The following ASB18 variants were observed in gnomAD, a reference collection of about 807,000 sequenced individuals.
ASB18 encodes ankyrin repeat and SOCS box containing 18, also known as ankyrin repeat and SOCS box protein 18.
ASB18 carries 33 observed loss-of-function variants against 33.4 expected under a neutral mutation model. The observed-to-expected ratio is 0.99, with a 90% CI of 0.75 to 1.32. The LOEUF (loss-of-function observed/expected upper bound fraction) is 1.32. Ranked by LOEUF, ASB18 falls within the 40% of genes most tolerant of loss-of-function variation. The pLI is 0.00. For synonymous variants in ASB18, 295 were observed against 307.6 expected (o/e 0.96, Z 0.43); for missense variants, 694 against 655.5 (o/e 1.06, Z -0.64).
In ASB18 at chr2:236,195,736, G is replaced by C. The variant is rs191242200; in HGVS notation, c.1215+536C>G. Among the ~76,000 whole-genome samples the C allele has an allele frequency of 1.3e-5, 2 of 152,200 alleles. No homozygotes were observed. Among genetic ancestry groups the C allele is most frequent in the Non-Finnish European group, 2.9e-5 (2 of 67,990 alleles). On this transcript the variant is annotated intron_variant, in intron 5 of 5. Transcript: ENST00000409749. This position sits in a 1 kb window ranked among gnomAD's most constrained non-coding sequence, Gnocchi z 5.5. ...TCACCATGTTGGCCAGTCTGGTCTT[G>C]AACTCCTGACCTCAAGCGATCTGCC...
intron 1 of ASB18, among the ~76,000 whole-genome samples, chr2:236,243,322 T>G (rs1230776880): frequency 3.5e-5 from 4 of 112,792 alleles, no homozygotes; most frequent in Admixed American, 9.7e-5. Flanking sequence ...AGAGCGAGAC[T>G]CCATCTCAAA....
At chr2:236,261,561 C>A (rs906541281) in intron 1 of ASB18, among the ~76,000 whole-genome samples, 3 of 152,180 alleles carry the variant, frequency 2.0e-5, no homozygotes, top group African/African-American at 7.2e-5. Flanking sequence ...ATTTAGCATA[C>A]CATCGTCCTG....
Position 236,245,830 on chromosome 2 carries a change from G to A in ASB18, c.206-4428C>T, listed in dbSNP as rs112659285. 6.6e-6 allele frequency among the ~76,000 whole-genome samples: 1 copy of A among 152,204 alleles called. No individual in the cohort carries two copies. The highest frequency in any genetic ancestry group is 6.5e-5 in the Admixed American group (1 of 15,280). ...CTTCAATGCCAACAGTGAAGAGAACGAATGGACTGGACTCTTTGAAACTTG... is the reference window on the plus strand; with the variant it reads ...CTTCAATGCCAACAGTGAAGAGAACAAATGGACTGGACTCTTTGAAACTTG... On this transcript the variant is annotated intron_variant, in intron 1 of 5. Transcript: ENST00000409749. This position sits in a 1 kb window ranked among gnomAD's most constrained non-coding sequence, Gnocchi z 4.7.
In ASB18 at chr2:236,194,231, G is replaced by A. The variant is rs1389483811; in HGVS notation, c.*641C>T. ...TCTGAACTTCGTGGTGGTAGGAGGT[G>A]CTCCTGACAAGGTTCGTTTTGCAAA... On this transcript the variant is annotated 3_prime_UTR_variant, in exon 6 of 6. Coordinates refer to ENST00000409749, the MANE Select transcript of ASB18 (RefSeq NM_212556.4). This position sits in a 1 kb window ranked among gnomAD's most constrained non-coding sequence, Gnocchi z 4.5. Among the ~76,000 whole-genome samples the A allele has an allele frequency of 6.6e-6, 1 of 152,196 alleles. No homozygotes were observed. Among genetic ancestry groups the A allele is most frequent in the Non-Finnish European group, 1.5e-5 (1 of 68,038 alleles).
At position 236,229,978 on chromosome 2, in the gene ASB18, G is replaced by A. The variant is rs576581987; in HGVS notation, c.596+7711C>T. On this transcript the variant is annotated intron_variant, in intron 3 of 5. Transcript: ENST00000409749. The surrounding 1 kb of genome is among the most constrained non-coding windows in gnomAD (Gnocchi z 5.2). ...TATAAAAGAACAAAGATAAAACTAG[G>A]AGTTTGAGACCACCCTGGGCAGCAA... Among the ~76,000 whole-genome samples the A allele has an allele frequency of 8.5e-4, 129 of 151,970 alleles. No individual in the cohort carries two copies. The highest frequency in any genetic ancestry group is 3.0e-3 in the African/African-American group (126 of 41,452).
rs1269250805 is a variant in ASB18, at chr2:236,195,759, G to A, written c.1215+513C>T. ...TTGAACTCCTGACCTCAAGCGATCT[G>A]CCTGCCTTGGCCTCTCAAAGTGCTA... is the stretch of plus-strand genomic sequence containing the variant. On this transcript the variant is annotated intron_variant, in intron 5 of 5. Coordinates refer to ENST00000409749, the MANE Select transcript of ASB18 (RefSeq NM_212556.4). This position sits in a 1 kb window ranked among gnomAD's most constrained non-coding sequence, Gnocchi z 5.5. 6.6e-6 allele frequency among the ~76,000 whole-genome samples: 1 copy of A among 152,100 alleles called. No homozygotes were observed. Among genetic ancestry groups the A allele is most frequent in the Non-Finnish European group, 1.5e-5 (1 of 68,030 alleles).
intron 4 of ASB18, among the ~76,000 whole-genome samples, chr2:236,198,175 T>C (rs922769425): frequency 5.3e-5 from 8 of 152,040 alleles, no homozygotes; most frequent in African/African-American, 1.4e-4. Context: ...AATACAAATA[T>C]GACAAACTAA....
Position 236,194,994 on chromosome 2 carries a change from G to A in ASB18, c.1279C>T (p.Leu427Phe). The A allele has an allele frequency of 3.7e-6, 6 of 1,613,942 alleles. No individual in the cohort carries two copies. The highest frequency in any genetic ancestry group is 4.2e-6 in the Non-Finnish European group (5 of 1,179,882). The change falls in exon 6 of 6, where the codon CTT becomes TTT. Residue 427 changes from leucine to phenylalanine, a missense_variant. Leu to Phe is a conservative substitution (Grantham distance 22). Transcript: ENST00000409749. This position sits in a 1 kb window ranked among gnomAD's most constrained non-coding sequence, Gnocchi z 4.5. ...AGTCTGCGAAGAGCACAGCGGCAAA[G>A]ATGCTGCAGGCAGCGTGGGGTGAGG... ...LALTPRCLQH[L>F]CRCALRRLFG...
chr2:236,232,759 G>A (rs2060572170), intron 3 of ASB18, among the ~76,000 whole-genome samples: 1 of 151,944 alleles, frequency 6.6e-6, no homozygotes, highest in Non-Finnish European at 1.5e-5. Flanking sequence ...AATCTGAGTA[G>A]CCCTATAGCT....
intron 1 of ASB18, among the ~76,000 whole-genome samples, chr2:236,243,952 G>A (rs1487214345): frequency 6.6e-6 from 1 of 152,072 alleles, no homozygotes; most frequent in Non-Finnish European, 1.5e-5. Flanking sequence ...TCAGCCTCCT[G>A]AGTAGCTAGG....
At position 236,237,053 on chromosome 2, in the gene ASB18, C is replaced by T. The variant is rs548556136; in HGVS notation, c.596+636G>A. ...CTGCGGGACCCCCAGACCCCGCGCC[C>T]GGGCGCGAACTAGCTGAGCGGCCGC... On this transcript the variant is annotated intron_variant, in intron 3 of 5. Coordinates refer to ENST00000409749, the MANE Select transcript of ASB18 (RefSeq NM_212556.4). This position sits in a 1 kb window ranked among gnomAD's most constrained non-coding sequence, Gnocchi z 6.2. Among the ~76,000 whole-genome samples the T allele has an allele frequency of 2.0e-5, 3 of 152,098 alleles. No individual in the cohort carries two copies. The East Asian group carries it at 5.9e-4, about 30-fold the overall frequency.
rs149965726 is a variant in ASB18, at chr2:236,237,766, C to T, written c.519G>A (p.Gln173=). 37,034 of 1,448,472 alleles carry T rather than the reference C, an allele frequency of 0.026. 595 individuals carry two copies. The highest frequency in any genetic ancestry group is 0.03 in the Non-Finnish European group (33,615 of 1,105,350). 89.7% of individuals were successfully genotyped at this position (1,448,472 alleles called of 1,614,324 possible). ...GHTACVRLLL[Q]HRADPDLLSA... ...TGAGCAGGTCGGGGTCGGCGCGGTG[C>T]TGCAGCAGCAGGCGGACGCAGGCGG... The change falls in exon 3 of 6, where the codon CAG becomes CAA. Residue 173 remains glutamine (Q), a synonymous_variant. Coordinates refer to ENST00000409749, the MANE Select transcript of ASB18 (RefSeq NM_212556.4). This position sits in a 1 kb window ranked among gnomAD's most constrained non-coding sequence, Gnocchi z 6.2.
Position 236,252,774 on chromosome 2 carries a change from G to C in ASB18, c.205+11367C>G, listed in dbSNP as rs1225711120. Among the ~76,000 whole-genome samples the C allele has an allele frequency of 1.3e-5, 2 of 152,124 alleles. No individual in the cohort carries two copies. Among genetic ancestry groups the C allele is most frequent in the African/African-American group, 4.8e-5 (2 of 41,426 alleles). On this transcript the variant is annotated intron_variant, in intron 1 of 5. Coordinates refer to ENST00000409749, the MANE Select transcript of ASB18 (RefSeq NM_212556.4). This position sits in a 1 kb window ranked among gnomAD's most constrained non-coding sequence, Gnocchi z 7.9. ...CTGTGATTCAGGGCTGAGAGGAGAG[G>C]AGGGGCCTAGATCCTTTGGTGGACA...
chr2:236,198,192 T>C (rs988893986), intron 4 of ASB18, among the ~76,000 whole-genome samples: 14 of 152,136 alleles, frequency 9.2e-5, no homozygotes, highest in Admixed American at 8.5e-4. Flanking sequence ...CTAAAAAAAA[T>C]TCATATTCCT....
Position 236,209,947 on chromosome 2 carries a change from T to C in ASB18, c.1101+4415A>G, listed in dbSNP as rs1459254818. Among the ~76,000 whole-genome samples the C allele has an allele frequency of 6.6e-6, 1 of 152,226 alleles. No homozygotes were observed. The highest frequency in any genetic ancestry group is 2.4e-5 in the African/African-American group (1 of 41,466). ...ATGTTTGTCCCCCGCTTCACAAAGA[T>C]AAGCCTTCAGCCTTCAGATCTCGGC... is the stretch of plus-strand genomic sequence containing the variant. On this transcript the variant is annotated intron_variant, in intron 4 of 5. Coordinates refer to ENST00000409749, the MANE Select transcript of ASB18 (RefSeq NM_212556.4). The surrounding 1 kb of genome is among the most constrained non-coding windows in gnomAD (Gnocchi z 4.4).
In ASB18 at chr2:236,209,764, A is replaced by C. The variant is rs559642976; in HGVS notation, c.1101+4598T>G. On this transcript the variant is annotated intron_variant, in intron 4 of 5. Transcript: ENST00000409749. The surrounding 1 kb of genome is among the most constrained non-coding windows in gnomAD (Gnocchi z 4.4). ...TGATGTAATCAACTCCCAATATTCC[A>C]AAGTCAGAGGCCCAGGCCCTTAAGG... Among the ~76,000 whole-genome samples the C allele has an allele frequency of 1.8e-4, 27 of 152,336 alleles. 1 individual carries two copies. In the South Asian group the frequency reaches 4.1e-3, roughly 23 times the overall value.
In ASB18 at chr2:236,204,166, C is replaced by T. The variant is rs564912754; in HGVS notation, c.1102-7781G>A. ...GCTGGAGTACATCTACCTCAATGGG[C>T]CATTAGCCCCAGCCACTCCCCCATA... On this transcript the variant is annotated intron_variant, in intron 4 of 5. Transcript: ENST00000409749. This position sits in a 1 kb window ranked among gnomAD's most constrained non-coding sequence, Gnocchi z 5.1. Among the ~76,000 whole-genome samples the T allele has an allele frequency of 3.3e-5, 5 of 152,262 alleles. No homozygotes were observed. The South Asian group carries it at 6.2e-4, about 19-fold the overall frequency.
At chr2:236,230,182 A>T (rs11682806) in intron 3 of ASB18, among the ~76,000 whole-genome samples, 25,187 of 151,696 alleles carry the variant, frequency 0.17, 2,156 homozygotes, top group South Asian at 0.24. Context: ...CAGTAGAGTT[A>T]TGGGTCTAAA....
rs2060664078 is a variant in ASB18 at position 236,250,563 on chromosome 2, G to A, written c.206-9161C>T. ...TTTCCTTCACCCCTTTTTTTACCTG[G>A]AGGGTTTCTGTAAATGGCCATGTAC... On this transcript the variant is annotated intron_variant, in intron 1 of 5. Transcript: ENST00000409749. The surrounding 1 kb of genome is among the most constrained non-coding windows in gnomAD (Gnocchi z 4.1). 2 of 152,136 alleles carry A rather than the reference G, an allele frequency of 1.3e-5. No individual in the cohort carries two copies. Among genetic ancestry groups the A allele is most frequent in the South Asian group, 4.2e-4 (2 of 4,818 alleles). The allele number at this position is 152,136 out of a possible 1,614,324, so 9.4% of individuals were successfully genotyped here. A position where few individuals can be genotyped will look rare whatever the true frequency, so the allele number is the denominator to read the frequency against.
Sources: gnomAD v4.1 joint callset for allele counts (sites outside exome capture counted in the v4.1 genomes callset) on GRCh38, gnomAD v4.1.1 for gene constraint, Gnocchi (gnomAD v3.1) non-coding constraint, MANE v1.5 for transcripts, NCBI Gene and HGNC (gene_info 2026-07-23, HGNC 2026-07-21) for gene names.